The following ZFHX3 variants were observed in gnomAD, a reference collection of about 807,000 sequenced individuals.
ZFHX3 encodes the protein zinc finger homeobox protein 3.
ZFHX3 carries 42 observed loss-of-function variants against 279.1 expected under a neutral mutation model. The ratio of observed to expected loss-of-function variants is 0.15; its 90% CI spans 0.12 to 0.19. The LOEUF (loss-of-function observed/expected upper bound fraction) is 0.19, where lower values mean the gene tolerates loss of function less well. Ranked by LOEUF, ZFHX3 falls within the 10% of genes least tolerant of loss-of-function variation. The pLI, the probability that ZFHX3 is intolerant of heterozygous loss-of-function variation, is 1.00. For missense variants in ZFHX3, 4,981 were observed against 4,754.0 expected, an observed-to-expected ratio of 1.05 and a Z score of -1.40; for synonymous variants, 2,293 against 1,957.8, an observed-to-expected ratio of 1.17 and a Z score of -4.52.
chr16:72,936,804 T>G (rs756369201), intron 3 of ZFHX3, among the ~76,000 whole-genome samples: 2 of 152,098 alleles, frequency 1.3e-5, no homozygotes, highest in Admixed American at 1.3e-4. Context: ...GAGAGTGATA[T>G]GACCTGATTT....
intron 3 of ZFHX3, among the ~76,000 whole-genome samples, chr16:73,322,611 G>A (rs1597283762): frequency 6.6e-6 from 1 of 152,230 alleles, no homozygotes; most frequent in East Asian, 1.9e-4. Flanking sequence ...GTTTTTGTAG[G>A]GAGCACAGCA....
intron 2 of ZFHX3, chr16:73,456,275 T>C (rs1410821840): frequency 6.6e-6 from 1 of 152,156 alleles, no homozygotes; most frequent in Non-Finnish European, 1.5e-5. Flanking sequence ...AGAAAAGAAA[T>C]AGATTTCTCA....
chr16:73,574,596 T>A (rs1316892932), intron 2 of ZFHX3, among the ~76,000 whole-genome samples: 1 of 152,188 alleles, frequency 6.6e-6, no homozygotes, highest in Non-Finnish European at 1.5e-5. Flanking sequence ...TTGTGTGGTT[T>A]CTACAGCGGC....
chr16:73,437,570 G>C (rs1037942929), intron 3 of ZFHX3, among the ~76,000 whole-genome samples: 1 of 152,100 alleles, frequency 6.6e-6, no homozygotes, highest in African/African-American at 2.4e-5. Flanking sequence ...ATCAGTATTA[G>C]TGTGTGCATT....
intron 3 of ZFHX3, among the ~76,000 whole-genome samples, chr16:73,364,948 C>T (rs987937408): frequency 3.9e-5 from 6 of 152,212 alleles, no homozygotes; most frequent in Middle Eastern, 3.2e-3. Flanking sequence ...TGAGGACACA[C>T]GTCGCCTCCA....
At chr16:72,936,369 A>T (rs1306877909) in intron 3 of ZFHX3, among the ~76,000 whole-genome samples, 4 of 152,242 alleles carry the variant, frequency 2.6e-5, no homozygotes, top group Non-Finnish European at 2.9e-5. Flanking sequence ...TAATGGGGCA[A>T]CGTAGGTCTC....
intron 8 of ZFHX3, among the ~76,000 whole-genome samples, chr16:73,084,994 A>G (rs570924916): frequency 6.6e-6 from 1 of 152,186 alleles, no homozygotes; most frequent in Non-Finnish European, 1.5e-5. Flanking sequence ...TTACAGACTC[A>G]ATGCAACCCT....
intron 3 of ZFHX3, among the ~76,000 whole-genome samples, chr16:73,444,781 T>C (rs934504030): frequency 6.6e-6 from 1 of 152,066 alleles, no homozygotes; most frequent in Non-Finnish European, 1.5e-5. Context: ...ACACCATGCA[T>C]GTTTATTCTG....
At chr16:72,904,991 C>T (rs1304320168) in intron 3 of ZFHX3, among the ~76,000 whole-genome samples, 2 of 152,116 alleles carry the variant, frequency 1.3e-5, no homozygotes, top group South Asian at 4.2e-4. Context: ...GCCACCATGC[C>T]CAGCTAATTT....
At chr16:73,601,706 C>T (rs2052120097) in intron 2 of ZFHX3, among the ~76,000 whole-genome samples, 1 of 152,184 alleles carries the variant, frequency 6.6e-6, no homozygotes, top group South Asian at 2.1e-4. Flanking sequence ...TTTACCCCAT[C>T]AGATATTCCC....
At chr16:72,837,047 G>A (rs1380415055) in intron 4 of ZFHX3, among the ~76,000 whole-genome samples, 3 of 152,168 alleles carry the variant, frequency 2.0e-5, no homozygotes, top group Non-Finnish European at 4.4e-5. Flanking sequence ...ATAAGCAAAT[G>A]GGCCTCCCGC....
At chr16:73,048,543 C>T (rs148013665), upstream of ZFHX3, among the ~76,000 whole-genome samples, 2,227 of 152,324 alleles carry the variant, frequency 0.015, 51 homozygotes, top group African/African-American at 0.048. Flanking sequence ...GGCGCTGACC[C>T]CTCGCTCATC....
At chr16:73,469,197 C>CA (rs2018621092) in intron 2 of ZFHX3, among the ~76,000 whole-genome samples, 1 of 152,146 alleles carries the variant, frequency 6.6e-6, no homozygotes, top group Non-Finnish European at 1.5e-5. Context: ...GCTGGAGAGC[C>CA]AAGAAATCCT....
intron 8 of ZFHX3, among the ~76,000 whole-genome samples, chr16:73,067,804 G>A (rs1467011895): frequency 6.6e-6 from 1 of 152,186 alleles, no homozygotes. Context: ...CTGTAAGGAG[G>A]CAGGCGGGGG....
At chr16:72,992,089 G>A (rs1000747173) in intron 1 of ZFHX3, among the ~76,000 whole-genome samples, 7 of 152,198 alleles carry the variant, frequency 4.6e-5, no homozygotes, top group Non-Finnish European at 7.3e-5. Flanking sequence ...GGCTGTCGCC[G>A]AACTGATCTT....
chr16:73,344,232 A>G (rs1330790115), intron 3 of ZFHX3, among the ~76,000 whole-genome samples: 1 of 152,198 alleles, frequency 6.6e-6, no homozygotes, highest in East Asian at 1.9e-4. Context: ...ACTGAGGAAG[A>G]CACAGCATCA....
intron 3 of ZFHX3, among the ~76,000 whole-genome samples, chr16:72,927,566 C>T (rs1022419209): frequency 3.3e-5 from 5 of 152,196 alleles, no homozygotes; most frequent in African/African-American, 4.8e-5. Flanking sequence ...AAAAATATCT[C>T]GTGACTTGGA....
intron 3 of ZFHX3, among the ~76,000 whole-genome samples, chr16:72,905,339 C>A (rs1313907860): frequency 6.6e-6 from 1 of 152,164 alleles, no homozygotes; most frequent in African/African-American, 2.4e-5. Context: ...ATGTGAATCA[C>A]AAAAGGGCTC....
chr16:73,481,469 C>T (rs756243843), intron 2 of ZFHX3, among the ~76,000 whole-genome samples: 2 of 152,128 alleles, frequency 1.3e-5, no homozygotes, highest in African/African-American at 4.8e-5. Flanking sequence ...GGGTCTCACT[C>T]TATTGCTCAG....
Sources: gnomAD v4.1 joint callset for allele counts (sites outside exome capture counted in the v4.1 genomes callset) on GRCh38, gnomAD v4.1.1 for gene constraint, MANE v1.5 for transcripts, NCBI Gene and HGNC (gene_info 2026-07-23, HGNC 2026-07-21) for gene names.